Variants in HHAT observed in about 807,000 individuals in gnomAD.
The protein encoded by HHAT is protein-cysteine N-palmitoyltransferase HHAT.
Under a neutral mutation model 70.8 loss-of-function variants are expected in HHAT, and 47 were observed. The ratio of observed to expected loss-of-function variants is 0.66; its 90% CI spans 0.53 to 0.85. The LOEUF (loss-of-function observed/expected upper bound fraction) is 0.85, where lower values mean the gene tolerates loss of function less well. HHAT is among the 40% of genes least tolerant of loss of function. The probability of loss-of-function intolerance (pLI) is 0.00; values close to 1 mark genes in which losing one functional copy is unlikely to be tolerated. For missense variants in HHAT, 609 were observed against 604.8 expected (o/e 1.01, Z -0.07); for synonymous variants, 228 against 247.6 (o/e 0.92, Z 0.74).
At chr1:210,630,952 G>A (rs1352681599) in intron 11 of HHAT, 1 of 431,244 alleles carries the variant, frequency 2.3e-6, no homozygotes, top group East Asian at 7.0e-5. Context: ...CCCCTAGATC[G>A]AGGAATGCCT....
chr1:210,442,738 A>G (rs1326793058), intron 7 of HHAT, among the ~76,000 whole-genome samples: 1 of 152,112 alleles, frequency 6.6e-6, no homozygotes, highest in Non-Finnish European at 1.5e-5. Flanking sequence ...TTCATTGTAG[A>G]TTCTGGATAT....
chr1:210,342,888 C>T (rs1408566695), intron 1 of HHAT, among the ~76,000 whole-genome samples: 1 of 152,122 alleles, frequency 6.6e-6, no homozygotes, highest in Non-Finnish European at 1.5e-5. Flanking sequence ...TCCCTTAAGA[C>T]ATATCTACTC....
intron 6 of HHAT, among the ~76,000 whole-genome samples, chr1:210,414,171 C>G (rs542996794): frequency 6.6e-6 from 1 of 152,322 alleles, no homozygotes; most frequent in East Asian, 1.9e-4. Flanking sequence ...TTGGCACCTT[C>G]TCACTGTCTT....
At position 210,657,238 on chromosome 1, in the gene HHAT, G is replaced by C. The variant is rs931717748; in HGVS notation, c.1391-17050G>C. Among the ~76,000 whole-genome samples the C allele has an allele frequency of 2.0e-5, 3 of 152,322 alleles. No homozygotes were observed. In the East Asian group the frequency reaches 5.8e-4, roughly 29 times the overall value. On this transcript the variant is annotated intron_variant, in intron 11 of 11. Transcript: ENST00000261458. Reference sequence around the variant, plus strand: ...GCTCTTAGGCAGGAGGACCAGGGGAGACAGTGGGGATGCCTCTGGACAACC... The same window carrying C: ...GCTCTTAGGCAGGAGGACCAGGGGACACAGTGGGGATGCCTCTGGACAACC...
At chr1:210,647,159 C>A (rs1338803646) in intron 11 of HHAT, among the ~76,000 whole-genome samples, 1 of 152,188 alleles carries the variant, frequency 6.6e-6, no homozygotes, top group Non-Finnish European at 1.5e-5. Flanking sequence ...CCTTGACTCT[C>A]CCTTGCGCTT....
chr1:210,426,208 T>G (rs969594409), intron 7 of HHAT, among the ~76,000 whole-genome samples: 1 of 152,232 alleles, frequency 6.6e-6, no homozygotes, highest in African/African-American at 2.4e-5. Context: ...CCTGAGACTT[T>G]GCTGAAGTTG....
intron 3 of HHAT, among the ~76,000 whole-genome samples, chr1:210,381,153 A>G (rs1319570665): frequency 1.3e-5 from 2 of 152,120 alleles, no homozygotes; most frequent in Non-Finnish European, 1.5e-5. Context: ...AGTAACTCCA[A>G]GACTTTCCTG....
rs1033068592 is a variant in HHAT, at chr1:210,418,139, T to C, written c.685-15T>C. 1.1e-5 allele frequency: 18 copies of C among 1,613,838 alleles called. No homozygotes were observed. The highest frequency in any genetic ancestry group is 1.4e-5 in the Non-Finnish European group (17 of 1,179,866). On this transcript the variant is annotated splice_polypyrimidine_tract_variant and intron_variant, in intron 6 of 11. Coordinates refer to ENST00000261458, the MANE Select transcript of HHAT (RefSeq NM_018194.6). The stretch of plus-strand genomic sequence containing the variant: ...TCAAGGCACCATCGAATGACCTCTT[T>C]TGTTTCCACTTTAGATGCAGCAGCA...
intron 8 of HHAT, among the ~76,000 whole-genome samples, chr1:210,511,173 A>T (rs1216226025): frequency 6.6e-6 from 1 of 152,236 alleles, no homozygotes; most frequent in Non-Finnish European, 1.5e-5. Context: ...TTAGCATCTT[A>T]TCCAGGTCAA....
rs1457118484 is a variant in HHAT, at chr1:210,428,981, G to A, written c.856+10656G>A. 9.9e-5 allele frequency among the ~76,000 whole-genome samples: 15 copies of A among 151,684 alleles called. No homozygotes were observed. The South Asian group carries it at 1.2e-3, about 13-fold the overall frequency. Reference sequence around the variant, plus strand: ...GCAACAGAGTGAGACTCTGTCCCTCGCTTCCCCTCCGCACCCACCTCGCTC... The same window carrying A: ...GCAACAGAGTGAGACTCTGTCCCTCACTTCCCCTCCGCACCCACCTCGCTC... On this transcript the variant is annotated intron_variant, in intron 7 of 11. Transcript: ENST00000261458.
chr1:210,519,291 T>A (rs2095112010), intron 9 of HHAT, among the ~76,000 whole-genome samples: 1 of 152,222 alleles, frequency 6.6e-6, no homozygotes, highest in Admixed American at 6.5e-5. Context: ...TTGGCTATTG[T>A]CAATAGTGCT....
chr1:210,530,844 C>T (rs183325030), intron 9 of HHAT, among the ~76,000 whole-genome samples: 1 of 151,994 alleles, frequency 6.6e-6, no homozygotes, highest in African/African-American at 2.4e-5. Context: ...AGTGAATTCT[C>T]TGTTCAGATG....
rs777865030 is a variant in HHAT at position 210,464,582 on chromosome 1, C to A, written c.934C>A (p.Arg312Ser). ...CTTTGGCGTGCCTGCTCTGCTCATG[C>A]GCCTGGATGGACTCACTCCACCCGC... is the stretch of plus-strand genomic sequence containing the variant. ...VLFGVPALLM[R>S]LDGLTPPALP... The change falls in exon 8 of 12, where the codon CGC (arginine) becomes AGC (serine). Residue 312 changes from arginine (R) to serine (S), a missense_variant. Transcript: ENST00000261458. 1.2e-6 allele frequency: 2 copies of A among 1,614,066 alleles called. No individual in the cohort carries two copies. The highest frequency in any genetic ancestry group is 1.7e-6 in the Non-Finnish European group (2 of 1,180,020).
Position 210,372,902 on chromosome 1 carries a change from CAG to C in HHAT, c.159+9986_159+9987del, listed in dbSNP as rs571723988. Among the ~76,000 whole-genome samples, 106 of 151,700 alleles carry C rather than the reference CAG, an allele frequency of 7.0e-4. 1 individual carries two copies. The highest frequency in any genetic ancestry group is 2.2e-3 in the African/African-American group (93 of 41,362). On this transcript the variant is annotated intron_variant, in intron 3 of 11. Coordinates refer to ENST00000261458, the MANE Select transcript of HHAT (RefSeq NM_018194.6). ...ACATGCTTCATTATTACAAGGGTAT[CAG>C]AGCCTGAGAAAAATTTTAATCCATC...
intron 6 of HHAT, among the ~76,000 whole-genome samples, chr1:210,413,459 G>C (rs563505049): frequency 1.3e-5 from 2 of 152,296 alleles, no homozygotes; most frequent in African/African-American, 4.8e-5. Flanking sequence ...AAATCTTTAA[G>C]TTCTGCTTCC....
intron 11 of HHAT, among the ~76,000 whole-genome samples, 186 bp from the exon 12 acceptor site, chr1:210,674,102 C>T (rs1347564651): frequency 2.0e-5 from 3 of 152,112 alleles, no homozygotes; most frequent in East Asian, 1.9e-4. Context: ...TAGTGCACTC[C>T]TCATTTTATG....
chr1:210,413,835 C>G (rs1435198441), intron 6 of HHAT, among the ~76,000 whole-genome samples: 1 of 152,218 alleles, frequency 6.6e-6, no homozygotes, highest in Non-Finnish European at 1.5e-5. Context: ...TCCTTTCCTT[C>G]TGAGCCCTTG....
At position 210,669,401 on chromosome 1, in the gene HHAT, C is replaced by T. The variant is rs941327166; in HGVS notation, c.1391-4887C>T. On this transcript the variant is annotated intron_variant, in intron 11 of 11. Coordinates refer to ENST00000261458, the MANE Select transcript of HHAT (RefSeq NM_018194.6). The stretch of plus-strand genomic sequence containing the variant: ...TTTCTCATTAGCTGTAGTTATTATA[C>T]AGCTCACTGATATCCTATTAACAAT... 2.6e-5 allele frequency among the ~76,000 whole-genome samples: 4 copies of T among 152,182 alleles called. No individual in the cohort carries two copies. The East Asian group carries it at 7.7e-4, about 29-fold the overall frequency.
chr1:210,347,775 A>C (rs1357467748), intron 1 of HHAT, among the ~76,000 whole-genome samples: 1 of 151,996 alleles, frequency 6.6e-6, no homozygotes, highest in Admixed American at 6.5e-5. Flanking sequence ...GGATTTGGGG[A>C]CTGAGAGGCC....
Sources: gnomAD v4.1 joint callset for allele counts (sites outside exome capture counted in the v4.1 genomes callset) on GRCh38, gnomAD v4.1.1 for gene constraint, MANE v1.5 for transcripts, NCBI Gene and HGNC (gene_info 2026-07-23, HGNC 2026-07-21) for gene names.